Variants in ESR2 observed in about 807,000 individuals in gnomAD.
ESR2 encodes estrogen receptor beta.
A neutral mutation model predicts 49.6 loss-of-function variants in ESR2; 36 were observed. That is an observed-to-expected ratio of 0.73 (90% CI 0.56 to 0.96). The LOEUF (loss-of-function observed/expected upper bound fraction) is 0.96, where lower values mean the gene tolerates loss of function less well. ESR2 is among the 40% of genes least tolerant of loss of function. The pLI, the probability that ESR2 is intolerant of heterozygous loss-of-function variation, is 0.00. For missense variants in ESR2, 714 were observed against 693.0 expected, an observed-to-expected ratio of 1.03 and a Z score of -0.34; for synonymous variants, 320 against 266.1, an observed-to-expected ratio of 1.20 and a Z score of -1.97.
At chr14:64,326,384 C>A (rs1238346746) in intron 1 of ESR2, among the ~76,000 whole-genome samples, 1 of 152,102 alleles carries the variant, frequency 6.6e-6, no homozygotes, top group Admixed American at 6.6e-5. Context: ...AATAATACAG[C>A]TTTGTGATTC....
rs1308259128 is a variant in ESR2, at chr14:64,228,487, A to C, written c.*4650T>G. 6.6e-6 allele frequency among the ~76,000 whole-genome samples: 1 copy of C among 152,234 alleles called. No individual in the cohort carries two copies. Among genetic ancestry groups the C allele is most frequent in the Non-Finnish European group, 1.5e-5 (1 of 68,054 alleles). On this transcript the variant is annotated 3_prime_UTR_variant, in exon 9 of 9. Transcript: ENST00000341099. ...CAAACATTCATTTCTACAAGGCCCA[A>C]ATGTAAAGCCTGCAAATGAAGTCAA...
intron 6 of ESR2, among the ~76,000 whole-genome samples, chr14:64,256,624 G>A (rs1752394059): frequency 6.6e-6 from 1 of 152,082 alleles, no homozygotes; most frequent in African/African-American, 2.4e-5. Context: ...AACTACTTGA[G>A]AGGCTGAGGC....
At chr14:64,322,827 T>A (rs937782776) in intron 1 of ESR2, among the ~76,000 whole-genome samples, 1 of 152,186 alleles carries the variant, frequency 6.6e-6, no homozygotes, top group African/African-American at 2.4e-5. Context: ...GGATATAAGT[T>A]GAAAGATACT....
intron 6 of ESR2, among the ~76,000 whole-genome samples, chr14:64,255,566 C>A (rs894263265): frequency 2.0e-5 from 3 of 152,148 alleles, no homozygotes; most frequent in Non-Finnish European, 2.9e-5. Flanking sequence ...ATTTGGCAAC[C>A]CCCCAAGTCC....
At chr14:64,330,528 T>A (rs1273330729) in intron 1 of ESR2, 2 of 152,224 alleles carry the variant, frequency 1.3e-5, no homozygotes, top group Non-Finnish European at 2.9e-5. Flanking sequence ...AGAGTCAATG[T>A]TGAAGTTCAA....
At chr14:64,234,871 T>G in intron 8 of ESR2, 99 bp downstream of exon 8, 1 of 1,537,692 alleles carries the variant, frequency 6.5e-7, no homozygotes, top group South Asian at 1.3e-5. Flanking sequence ...GGCATTCATT[T>G]TCCTTAACTT....
chr14:64,258,863 T>C (rs998786014), intron 5 of ESR2, among the ~76,000 whole-genome samples: 3 of 152,182 alleles, frequency 2.0e-5, no homozygotes, highest in African/African-American at 7.2e-5. Flanking sequence ...GATATTTTAA[T>C]ATATATTTTT....
intron 4 of ESR2, among the ~76,000 whole-genome samples, chr14:64,262,374 G>C (rs2076241554): frequency 6.6e-6 from 1 of 151,896 alleles, no homozygotes; most frequent in Admixed American, 6.6e-5. Flanking sequence ...CTTGGCCTCT[G>C]AAAGTGCTGG....
chr14:64,310,147 C>T (rs1028751648), intron 1 of ESR2, among the ~76,000 whole-genome samples: 5 of 151,706 alleles, frequency 3.3e-5, no homozygotes, highest in African/African-American at 1.2e-4. Context: ...CTGGCAGGTG[C>T]CTGTAATCCC....
chr14:64,280,077 G>C lies in ESR2; in HGVS notation c.439C>G (p.His147Asp). The C allele has an allele frequency of 6.2e-7, 1 of 1,614,076 alleles. No homozygotes were observed. The highest frequency in any genetic ancestry group is 1.3e-5 in the African/African-American group (1 of 75,054). Residue 147 changes from histidine (H) to aspartate (D), a missense_variant, in exon 3 of 9, where the codon CAC becomes GAC. By Grantham distance (81) the His-to-Asp change is moderately conservative (BLOSUM62 -1). Coordinates refer to ENST00000341099, the MANE Select transcript of ESR2 (RefSeq NM_001437.3). The part of the protein sequence containing the change: ...VTGPGSKRDA[H>D]FCAVCSDYAS... ...TAATCGCTGCAGACAGCGCAGAAGT[G>C]AGCATCCCTCTTTGAACCTGGACCA... is the stretch of plus-strand genomic sequence containing the variant.
chr14:64,230,241 AC>A lies in ESR2; in HGVS notation c.*2895del, dbSNP rs1213315330. Among the ~76,000 whole-genome samples the A allele has an allele frequency of 6.6e-6, 1 of 151,932 alleles. No individual in the cohort carries two copies. Among genetic ancestry groups the A allele is most frequent in the African/African-American group, 2.4e-5 (1 of 41,338 alleles). On this transcript the variant is annotated 3_prime_UTR_variant, in exon 9 of 9. Transcript: ENST00000341099. ...GTGTCAAATCTTATTAAGTGAGGAT[AC>A]TTTGTTTCAAAATAGGCCTATAAAC...
chr14:64,280,219 A>AC, intron 2 of ESR2, 66 bp from the exon 3 acceptor site: 1 of 1,162,940 alleles, frequency 8.6e-7, no homozygotes, highest in Non-Finnish European at 1.3e-6. Context: ...TTCTAGGAAA[A>AC]AAAAATAGCA....
At chr14:64,309,607 C>CA (rs545143689) in intron 1 of ESR2, among the ~76,000 whole-genome samples, 11,698 of 125,864 alleles carry the variant, frequency 0.093, 825 homozygotes, top group Non-Finnish European at 0.11. Context: ...AACTCCATCT[C>CA]AAAAAAAAAA....
intron 7 of ESR2, among the ~76,000 whole-genome samples, chr14:64,241,088 G>C (rs1461932650): frequency 6.9e-6 from 1 of 144,760 alleles, no homozygotes; most frequent in Non-Finnish European, 1.5e-5. Context: ...GGAGCTTGCA[G>C]TGAGCCGAGA....
chr14:64,290,865 T>C (rs1448005490), intron 1 of ESR2, among the ~76,000 whole-genome samples: 2 of 152,184 alleles, frequency 1.3e-5, no homozygotes, highest in African/African-American at 2.4e-5. Flanking sequence ...CCTTCTAAAA[T>C]GAGGAAAAGC....
chr14:64,249,992 A>G (rs1458454293), intron 6 of ESR2, among the ~76,000 whole-genome samples: 2 of 152,230 alleles, frequency 1.3e-5, no homozygotes, highest in Non-Finnish European at 2.9e-5. Flanking sequence ...TCTTACAGCA[A>G]TACCACTCCT....
rs919712746 is a variant in ESR2, at chr14:64,323,575, C to G, written c.-91+14323G>C. ...ATTATTTTTATTTGCATGGATTAAC[C>G]ATTCAATGTATTATTTCCATACACA... On this transcript the variant is annotated intron_variant, in intron 1 of 8. Coordinates refer to the ESR2 transcript ENST00000358599. Among the ~76,000 whole-genome samples, 17 of 152,270 alleles carry G rather than the reference C, an allele frequency of 1.1e-4. No individual in the cohort carries two copies. The East Asian group carries it at 3.3e-3, about 29-fold the overall frequency.
intron 1 of ESR2, among the ~76,000 whole-genome samples, chr14:64,303,047 G>T (rs2077045854): frequency 2.0e-5 from 3 of 152,182 alleles, no homozygotes; most frequent in East Asian, 3.9e-4. Context: ...TAATCCTCCT[G>T]CCATGGCCTC....
At chr14:64,287,504 T>C (rs780932503) in intron 1 of ESR2, among the ~76,000 whole-genome samples, 3 of 152,236 alleles carry the variant, frequency 2.0e-5, no homozygotes, top group Non-Finnish European at 4.4e-5. Context: ...TGCTTTTTGT[T>C]TGGATATATT....
Sources: gnomAD v4.1 joint callset for allele counts (sites outside exome capture counted in the v4.1 genomes callset) on GRCh38, gnomAD v4.1.1 for gene constraint, MANE v1.5 for transcripts, NCBI Gene and HGNC (gene_info 2026-07-23, HGNC 2026-07-21) for gene names.